Variants in ARL13B observed in about 807,000 individuals in gnomAD.
ARL13B encodes ADP-ribosylation factor-like protein 13B.
A neutral mutation model predicts 56.1 loss-of-function variants in ARL13B; 36 were observed. That is an observed-to-expected ratio of 0.64 (90% CI 0.49 to 0.85). ARL13B has a LOEUF of 0.85. Among genes scored for constraint, ARL13B ranks in the 40% least tolerant of loss-of-function variants. ARL13B has a pLI of 0.00. For synonymous variants in ARL13B, 178 were observed against 171.1 expected, an observed-to-expected ratio of 1.04 and a Z score of -0.32; for missense variants, 519 against 507.1, an observed-to-expected ratio of 1.02 and a Z score of -0.23.
At chr3:93,982,067 A>G (rs150182724) in intron 1 of ARL13B, among the ~76,000 whole-genome samples, 1 of 152,304 alleles carries the variant, frequency 6.6e-6, no homozygotes, top group African/African-American at 2.4e-5. Context: ...AGGCATGTAT[A>G]TAACTTACGT....
At chr3:94,041,672 G>T (rs781438794) in intron 6 of ARL13B, among the ~76,000 whole-genome samples, 2 of 152,152 alleles carry the variant, frequency 1.3e-5, no homozygotes, top group African/African-American at 4.8e-5. Flanking sequence ...TAGTCCTAGT[G>T]ACACGTATGC....
intron 3 of ARL13B, among the ~76,000 whole-genome samples, chr3:94,008,166 A>G (rs1252240841): frequency 6.6e-6 from 1 of 152,226 alleles, no homozygotes; most frequent in African/African-American, 2.4e-5. Flanking sequence ...GTAAAAATAA[A>G]TGCCATGCAA....
chr3:94,049,306 T>A, intron 7 of ARL13B, 100 bp from the exon 8 acceptor site: 1 of 657,718 alleles, frequency 1.5e-6, no homozygotes, highest in Non-Finnish European at 2.6e-6. Flanking sequence ...CAAGATGTTT[T>A]TTGTTAATAA....
intron 3 of ARL13B, among the ~76,000 whole-genome samples, chr3:94,026,900 A>G (rs760801695): frequency 6.6e-6 from 1 of 152,150 alleles, no homozygotes; most frequent in South Asian, 2.1e-4. Context: ...ATGATAATCA[A>G]CTTGGACAAC....
At chr3:94,048,587 T>G (rs1321360689) in intron 7 of ARL13B, among the ~76,000 whole-genome samples, 1 of 152,060 alleles carries the variant, frequency 6.6e-6, no homozygotes, top group Non-Finnish European at 1.5e-5. Context: ...TTTATTTACT[T>G]ATTTATTTGA....
At chr3:94,012,822 A>G (rs2076248205) in intron 3 of ARL13B, among the ~76,000 whole-genome samples, 1 of 151,988 alleles carries the variant, frequency 6.6e-6, no homozygotes, top group Non-Finnish European at 1.5e-5. Context: ...TTCTATACCT[A>G]TGTGCTTGTC....
chr3:93,987,171 T>C (rs921646334), intron 1 of ARL13B, among the ~76,000 whole-genome samples: 2 of 151,668 alleles, frequency 1.3e-5, no homozygotes, highest in African/African-American at 4.8e-5. Flanking sequence ...TTTTTTTTTT[T>C]AAATAGAGAC....
Position 94,054,916 on chromosome 3 carries a change from T to G in ARL13B, c.*1653T>G, listed in dbSNP as rs2077119700. On this transcript the variant is annotated 3_prime_UTR_variant, in exon 10 of 10. Coordinates refer to ENST00000394222, the MANE Select transcript of ARL13B (RefSeq NM_001174150.2). ...TTTTAGAGGGAAAATTGCATAGCTT[T>G]TTGTAACATTTACTTAATTTTAAAA... The G allele has an allele frequency of 7.4e-6, 2 of 271,242 alleles. No individual in the cohort carries two copies. Among genetic ancestry groups the G allele is most frequent in the Non-Finnish European group, 1.5e-5 (2 of 136,932 alleles). 16.8% of individuals were successfully genotyped at this position (271,242 alleles called of 1,614,324 possible).
chr3:94,007,057 G>A (rs545333454), intron 3 of ARL13B, among the ~76,000 whole-genome samples: 1 of 152,218 alleles, frequency 6.6e-6, no homozygotes, highest in South Asian at 2.1e-4. Flanking sequence ...AATATTTACA[G>A]CATCTAATTT....
At chr3:94,025,890 C>A (rs2076545673) in intron 3 of ARL13B, among the ~76,000 whole-genome samples, 1 of 152,120 alleles carries the variant, frequency 6.6e-6, no homozygotes, top group Admixed American at 6.6e-5. Flanking sequence ...GTTTTAGTTC[C>A]CTATAATGCA....
intron 1 of ARL13B, among the ~76,000 whole-genome samples, chr3:93,990,795 G>T (rs1044396817): frequency 1.3e-5 from 2 of 152,080 alleles, no homozygotes; most frequent in Admixed American, 6.6e-5. Context: ...TAATGTGATT[G>T]GTATTTTCTC....
At chr3:94,053,149 T>A (rs1177457872) in intron 9 of ARL13B, 38 bp from the exon 10 acceptor site, 2 of 1,528,390 alleles carry the variant, frequency 1.3e-6, no homozygotes, top group East Asian at 2.2e-5. Context: ...TGATGTACCA[T>A]AACTGTTTTG....
intron 1 of ARL13B, among the ~76,000 whole-genome samples, chr3:93,995,246 T>A (rs1171263618): frequency 6.6e-6 from 1 of 152,198 alleles, no homozygotes; most frequent in African/African-American, 2.4e-5. Context: ...CTGTAACTGA[T>A]TCATTGTGTG....
chr3:94,052,513 G>A (rs2077082935), intron 9 of ARL13B, among the ~76,000 whole-genome samples: 1 of 152,102 alleles, frequency 6.6e-6, no homozygotes, highest in South Asian at 2.1e-4. Context: ...TAGAGAGTTA[G>A]GAAAGAATAT....
At chr3:93,989,986 ATC>A (rs1357061185) in intron 1 of ARL13B, among the ~76,000 whole-genome samples, 1 of 151,892 alleles carries the variant, frequency 6.6e-6, no homozygotes, top group Non-Finnish European at 1.5e-5. Flanking sequence ...CAGTTTGAGT[ATC>A]TCTTTTTTTT....
intron 7 of ARL13B, among the ~76,000 whole-genome samples, chr3:94,043,957 G>A (rs182640079): frequency 2.6e-5 from 4 of 151,698 alleles, no homozygotes; most frequent in South Asian, 2.1e-4. Flanking sequence ...CTCACTCAAC[G>A]CTCAATGTTG....
intron 3 of ARL13B, chr3:94,028,593 A>G (rs980251126): frequency 3.8e-4 from 58 of 152,254 alleles, no homozygotes; most frequent in African/African-American, 1.3e-3. Context: ...AAGTGAAAAT[A>G]GATTGCTTAC....
intron 3 of ARL13B, among the ~76,000 whole-genome samples, chr3:94,009,824 A>G (rs1042898208): frequency 7.2e-5 from 11 of 152,094 alleles, no homozygotes. Flanking sequence ...TCAGCTTCAT[A>G]GCAGCTGTAA....
intron 1 of ARL13B, among the ~76,000 whole-genome samples, chr3:93,989,996 T>TTTGTG (rs1386962853): frequency 6.7e-6 from 1 of 149,350 alleles, no homozygotes; most frequent in Non-Finnish European, 1.5e-5. Context: ...ATCTCTTTTT[T>TTTGTG]TTGTTTTGTT....
Sources: gnomAD v4.1 joint callset for allele counts (sites outside exome capture counted in the v4.1 genomes callset) on GRCh38, gnomAD v4.1.1 for gene constraint, MANE v1.5 for transcripts, NCBI Gene and HGNC (gene_info 2026-07-23, HGNC 2026-07-21) for gene names.